TFEB: variants seen among roughly 807,000 people sequenced by gnomAD.
TFEB encodes transcription factor EB, also known as T-cell transcription factor EB.
In TFEB, 12 loss-of-function variants were observed where a neutral mutation model predicts 48.0. That is an observed-to-expected ratio of 0.25 (90% confidence interval 0.16 to 0.40). The LOEUF (loss-of-function observed/expected upper bound fraction) is 0.40. TFEB is among the 10% of genes least tolerant of loss of function. The pLI, the probability that TFEB is intolerant of heterozygous loss-of-function variation, is 1.00. For synonymous variants in TFEB, 244 were observed against 261.4 expected (o/e 0.93, Z 0.64); for missense variants, 509 against 640.3 (o/e 0.79, Z 2.21).
At chr6:41,699,522 G>A (rs1769783420) in intron 1 of TFEB, among the ~76,000 whole-genome samples, 1 of 152,148 alleles carries the variant, frequency 6.6e-6, no homozygotes, top group South Asian at 2.1e-4. Flanking sequence ...CAAAAGCCTT[G>A]GGTCTTTTAA....
At chr6:41,721,368 C>CACAT (rs1211404305) in intron 1 of TFEB, among the ~76,000 whole-genome samples, 1 of 128,370 alleles carries the variant, frequency 7.8e-6, no homozygotes, top group Non-Finnish European at 1.6e-5. Context: ...ACACTAGGCA[C>CACAT]ACATACACAC....
chr6:41,685,654 T>C (rs544704351), intron 8 of TFEB, among the ~76,000 whole-genome samples: 1 of 152,158 alleles, frequency 6.6e-6, no homozygotes, highest in Non-Finnish European at 1.5e-5. Context: ...AGATTCCTAG[T>C]GCCACCCACC....
At chr6:41,703,439 C>T (rs2127457951) in intron 1 of TFEB, among the ~76,000 whole-genome samples, 1 of 152,136 alleles carries the variant, frequency 6.6e-6, no homozygotes, top group East Asian at 1.9e-4. Context: ...CTGGCTCCTG[C>T]CCCTGCTCCT....
At position 41,691,063 on chromosome 6, in the gene TFEB, G is replaced by A; in HGVS notation, c.151C>T (p.Pro51Ser). 1 of 1,572,134 alleles carries A rather than the reference G, an allele frequency of 6.4e-7. No individual in the cohort carries two copies. Among genetic ancestry groups the A allele is most frequent in the African/African-American group, 1.3e-5 (1 of 74,092 alleles). The stretch of plus-strand genomic sequence containing the variant: ...AAGTGGACGGGGGTATTGATGGCCG[G>A]GGTGGGCGGCCCTCCGAGCTGCTGC... The part of the protein sequence containing the change: ...QQQQLGGPPT[P>S]AINTPVHFQS... The change falls in exon 2 of 9, where the codon CCG becomes TCG. Residue 51 changes from proline (P) to serine (S), a missense_variant. Transcript: ENST00000373033. The surrounding 1 kb of genome is among the most constrained non-coding windows in gnomAD (Gnocchi z 5.2).
In TFEB at chr6:41,687,915, C is replaced by T. The variant is rs567384370; in HGVS notation, c.663G>A (p.Glu221=). 6.2e-7 allele frequency: 1 copy of T among 1,613,714 alleles called. No individual in the cohort carries two copies. Among genetic ancestry groups the T allele is most frequent in the African/African-American group, 1.3e-5 (1 of 75,056 alleles). Residue 221 remains glutamate, a synonymous_variant, in exon 5 of 9, where the codon GAG becomes GAA. Coordinates refer to ENST00000373033, the MANE Select transcript of TFEB (RefSeq NM_001271944.2). ...GGTAGAGGGAGGCAGTACCTGTGAGCTCTCGCTTCTGGGTCAGGTCCGCAG... is the reference window on the plus strand; with the variant it reads ...GGTAGAGGGAGGCAGTACCTGTGAGTTCTCGCTTCTGGGTCAGGTCCGCAG... The part of the protein sequence containing the change: ...SCPADLTQKR[E]LTDAESRALA...
At chr6:41,701,465 A>C (rs1000121533) in intron 1 of TFEB, among the ~76,000 whole-genome samples, 4 of 152,240 alleles carry the variant, frequency 2.6e-5, no homozygotes, top group African/African-American at 9.6e-5. Flanking sequence ...TTCCAGAAAG[A>C]GATGCACGGC....
chr6:41,698,018 A>C (rs993495961), intron 1 of TFEB, among the ~76,000 whole-genome samples: 1 of 151,966 alleles, frequency 6.6e-6, no homozygotes, highest in Non-Finnish European at 1.5e-5. Flanking sequence ...TCTAGAATGA[A>C]GATGTATATC....
chr6:41,705,698 G>C (rs1030548459), intron 1 of TFEB: 1 of 152,518 alleles, frequency 6.6e-6, no homozygotes, highest in African/African-American at 2.4e-5. Flanking sequence ...GGCCCCCCAG[G>C]CTCAGATGGG....
At chr6:41,715,362 AC>A (rs1770689302) in intron 1 of TFEB, among the ~76,000 whole-genome samples, 1 of 151,622 alleles carries the variant, frequency 6.6e-6, no homozygotes, top group South Asian at 2.1e-4. Context: ...ACACAGCAAC[AC>A]CCCCACTCCC....
intron 1 of TFEB, among the ~76,000 whole-genome samples, chr6:41,717,545 C>T (rs2127259738): frequency 6.6e-6 from 1 of 152,252 alleles, no homozygotes; most frequent in East Asian, 1.9e-4. Context: ...TTGCTAGGGG[C>T]CCTGCAGCTG....
chr6:41,687,259 T>G, intron 6 of TFEB, 90 bp from the exon 7 acceptor site: 2 of 1,190,750 alleles, frequency 1.7e-6, no homozygotes, highest in Non-Finnish European at 2.5e-6. Context: ...GAGGGGTGCT[T>G]CAGGGCAGCC....
rs568270162 is a variant in TFEB at position 41,691,819 on chromosome 6, C to T, written c.-22-584G>A. The stretch of plus-strand genomic sequence containing the variant: ...TCCTTACCATGACTGGAAAGGCCCC[C>T]TAGGATCTGGCCCACCTCGTGTTCC... On this transcript the variant is annotated intron_variant, in intron 1 of 8. Transcript: ENST00000373033. The surrounding 1 kb of genome is among the most constrained non-coding windows in gnomAD (Gnocchi z 5.2). Among the ~76,000 whole-genome samples the T allele has an allele frequency of 3.9e-5, 6 of 152,080 alleles. No individual in the cohort carries two copies. The highest frequency in any genetic ancestry group is 8.8e-5 in the Non-Finnish European group (6 of 67,942).
At chr6:41,718,185 G>GT (rs35792875) in intron 1 of TFEB, among the ~76,000 whole-genome samples, 21,400 of 150,752 alleles carry the variant, frequency 0.14, 1,547 homozygotes, top group East Asian at 0.21. Flanking sequence ...TTTTGGGGGT[G>GT]TTTTTTTTTG....
At position 41,720,204 on chromosome 6, in the gene TFEB, T is replaced by A. The variant is rs1770918445; in HGVS notation, c.-23+15146A>T. Among the ~76,000 whole-genome samples the A allele has an allele frequency of 6.6e-6, 1 of 152,150 alleles. No homozygotes were observed. Among genetic ancestry groups the A allele is most frequent in the Non-Finnish European group, 1.5e-5 (1 of 68,002 alleles). ...CCACAGCCCCTTAAGCTGGGACTCC[T>A]GGGGTACTCAATGAAGAGTGGAGCT... On this transcript the variant is annotated intron_variant, in intron 1 of 8. Transcript: ENST00000373033. The surrounding 1 kb of genome is among the most constrained non-coding windows in gnomAD (Gnocchi z 4.1).
chr6:41,687,858 G>A, intron 5 of TFEB, 49 bp from the exon 6 acceptor site: 1 of 1,610,210 alleles, frequency 6.2e-7, no homozygotes, highest in East Asian at 2.2e-5. Flanking sequence ...AGGGAGAAAA[G>A]GAGGGAGGAG....
chr6:41,728,343 T>C (rs1017103090), intron 1 of TFEB, among the ~76,000 whole-genome samples: 1 of 152,070 alleles, frequency 6.6e-6, no homozygotes, highest in African/African-American at 2.4e-5. Context: ...CTCGATCCCC[T>C]CCTCTTGACA....
intron 1 of TFEB, chr6:41,733,676 AG>A: frequency 2.0e-6 from 2 of 985,314 alleles, no homozygotes; most frequent in Non-Finnish European, 2.4e-6. Flanking sequence ...TCAGGTTAGC[AG>A]GCAGGGACCT....
intron 1 of TFEB, among the ~76,000 whole-genome samples, chr6:41,704,308 T>C (rs528836355): frequency 1.3e-5 from 2 of 152,344 alleles, no homozygotes; most frequent in South Asian, 4.1e-4. Flanking sequence ...CAAATCTGGC[T>C]TTGCCATTTG....
chr6:41,689,672 C>T, intron 4 of TFEB, 59 bp downstream of exon 4: 1 of 1,385,836 alleles, frequency 7.2e-7, no homozygotes, highest in Non-Finnish European at 1.0e-6. Context: ...CTCAGAGCCA[C>T]AGTGGGTGCC....
Sources: allele counts gnomAD v4.1 joint callset (sites outside exome capture counted in the v4.1 genomes callset), GRCh38; gene constraint gnomAD v4.1.1; non-coding constraint Gnocchi (gnomAD v3.1); transcripts MANE v1.5; gene names NCBI Gene and HGNC (gene_info 2026-07-23, HGNC 2026-07-21).